CDH10: variants seen among roughly 807,000 people sequenced by gnomAD.
CDH10 encodes cadherin 10, also known as cadherin-10.
A neutral mutation model predicts 73.1 loss-of-function variants in CDH10; 30 were observed. The ratio of observed to expected loss-of-function variants is 0.41; its 90% CI spans 0.31 to 0.56. The LOEUF (loss-of-function observed/expected upper bound fraction) is 0.56. Ranked by LOEUF, CDH10 falls within the 20% of genes least tolerant of loss-of-function variation. The pLI is 0.27. For missense variants in CDH10, 815 were observed against 973.7 expected (o/e 0.84, Z 2.17); for synonymous variants, 345 against 348.2 (o/e 0.99, Z 0.10).
chr5:24,554,079 GA>G (rs1744662396), intron 2 of CDH10: 1 of 127,586 alleles, frequency 7.8e-6, no homozygotes, highest in Non-Finnish European at 1.6e-5. Flanking sequence ...AGAGAGAGAG[GA>G]GAGACAGAGA....
intron 5 of CDH10, among the ~76,000 whole-genome samples, chr5:24,522,716 A>C (rs560019584): frequency 6.6e-6 from 1 of 152,278 alleles, no homozygotes; most frequent in South Asian, 2.1e-4. Context: ...CTTGGAAAAC[A>C]TAACCCTGCT....
At position 24,488,005 on chromosome 5, in the gene CDH10, C is replaced by A. The variant is rs752893007; in HGVS notation, c.2025G>T (p.Leu675=). 1.2e-6 allele frequency: 2 copies of A among 1,613,922 alleles called. No individual in the cohort carries two copies. The highest frequency in any genetic ancestry group is 1.7e-4 in the Middle Eastern group (1 of 6,060). The change falls in exon 12 of 12, where the codon CTG becomes CTT. Residue 675 remains leucine (L), a synonymous_variant. Coordinates refer to ENST00000264463, the MANE Select transcript of CDH10 (RefSeq NM_006727.5). The stretch of plus-strand genomic sequence containing the variant: ...TTTCCTCAATGGCTGCAGGATTCCT[C>A]AGGGTGCCGATATCAAAGGCCTGGG... The part of the protein sequence containing the change: ...EDTQAFDIGT[L]RNPAAIEEKK...
intron 5 of CDH10, among the ~76,000 whole-genome samples, chr5:24,516,896 A>T (rs1052769835): frequency 5.3e-5 from 8 of 151,830 alleles, no homozygotes; most frequent in Non-Finnish European, 1.0e-4. Flanking sequence ...ATTAAAAATT[A>T]AAAAAATACA....
chr5:24,579,888 A>G (rs1270510298), intron 2 of CDH10, among the ~76,000 whole-genome samples: 1 of 152,102 alleles, frequency 6.6e-6, no homozygotes, highest in Non-Finnish European at 1.5e-5. Flanking sequence ...ACCATACAGA[A>G]GGTAATTACT....
intron 2 of CDH10, among the ~76,000 whole-genome samples, chr5:24,565,999 G>A (rs78403355): frequency 0.014 from 2,199 of 152,254 alleles, 58 homozygotes; most frequent in African/African-American, 0.05. Flanking sequence ...GTACTAGTCT[G>A]TCCAACTTGG....
chr5:24,575,356 A>AAC (rs1156379570), intron 2 of CDH10, among the ~76,000 whole-genome samples: 1,449 of 49,172 alleles, frequency 0.029, 30 homozygotes, highest in African/African-American at 0.14. Context: ...CAAAAACAAC[A>AAC]AAAAAAAAAA....
intron 11 of CDH10, among the ~76,000 whole-genome samples, chr5:24,488,997 A>C (rs1441584763): frequency 1.3e-5 from 2 of 152,110 alleles, no homozygotes; most frequent in African/African-American, 4.8e-5. Context: ...AAATGATAAG[A>C]GAAAGTTAAT....
At chr5:24,587,564 C>T (rs1214340762) in intron 2 of CDH10, among the ~76,000 whole-genome samples, 1 of 151,938 alleles carries the variant, frequency 6.6e-6, no homozygotes, top group East Asian at 1.9e-4. Flanking sequence ...ATTGAGATAC[C>T]TTCTGCAGAG....
Position 24,520,384 on chromosome 5 carries a change from T to C in CDH10, c.815-8870A>G, listed in dbSNP as rs562045612. Reference sequence around the variant, plus strand: ...AAAAAGCAAGTTTCAGAAAATGATGTACAGTGTGATACTATCTTTATAAAC... The same window carrying C: ...AAAAAGCAAGTTTCAGAAAATGATGCACAGTGTGATACTATCTTTATAAAC... On this transcript the variant is annotated intron_variant, in intron 5 of 11. Coordinates refer to ENST00000264463, the MANE Select transcript of CDH10 (RefSeq NM_006727.5). Among the ~76,000 whole-genome samples the C allele has an allele frequency of 1.3e-4, 20 of 152,312 alleles. No individual in the cohort carries two copies. In the South Asian group the frequency reaches 4.1e-3, roughly 32 times the overall value.
Position 24,589,186 on chromosome 5 carries a change from G to A in CDH10, c.231+4074C>T, listed in dbSNP as rs1746120822. 2.6e-5 allele frequency among the ~76,000 whole-genome samples: 4 copies of A among 152,134 alleles called. 1 individual carries two copies. In the South Asian group the frequency reaches 8.3e-4, roughly 31 times the overall value. ...AAGGAATAAACACTTCATGCATAGT[G>A]GGTGTTTGGAGCCGACAAGTCTATA... On this transcript the variant is annotated intron_variant, in intron 2 of 11. Coordinates refer to ENST00000264463, the MANE Select transcript of CDH10 (RefSeq NM_006727.5).
At chr5:24,614,367 A>G (rs552378501) in intron 1 of CDH10, among the ~76,000 whole-genome samples, 1 of 152,322 alleles carries the variant, frequency 6.6e-6, no homozygotes, top group South Asian at 2.1e-4. Flanking sequence ...ATAGAAACAT[A>G]TCTCCAGAGC....
At chr5:24,502,112 A>T (rs921380693) in intron 8 of CDH10, among the ~76,000 whole-genome samples, 12 of 151,814 alleles carry the variant, frequency 7.9e-5, no homozygotes, top group South Asian at 6.2e-4. Flanking sequence ...TTAGTAGAGA[A>T]GGGGTTTCAC....
chr5:24,495,482 CAT>C (rs933969734), intron 9 of CDH10, among the ~76,000 whole-genome samples: 2 of 152,092 alleles, frequency 1.3e-5, no homozygotes, highest in African/African-American at 4.8e-5. Flanking sequence ...GTTAAGTTTT[CAT>C]ATGTTTTAGC....
intron 1 of CDH10, among the ~76,000 whole-genome samples, chr5:24,629,059 A>C (rs534381423): frequency 4.6e-5 from 7 of 152,248 alleles, no homozygotes; most frequent in African/African-American, 1.4e-4. Context: ...CATCTCATTG[A>C]GGCAAAGTTC....
At chr5:24,566,485 T>C (rs1041258527) in intron 2 of CDH10, among the ~76,000 whole-genome samples, 3 of 152,206 alleles carry the variant, frequency 2.0e-5, no homozygotes, top group Non-Finnish European at 4.4e-5. Flanking sequence ...ATTAAGATAA[T>C]GTGTTATTGG....
In CDH10 at chr5:24,595,533, A is replaced by G. The variant is rs10473703; in HGVS notation, c.-123-1920T>C. 8.4e-3 allele frequency among the ~76,000 whole-genome samples: 1,284 copies of G among 152,066 alleles called. 21 individuals carry two copies. The highest frequency in any genetic ancestry group is 0.029 in the African/African-American group (1,211 of 41,516). On this transcript the variant is annotated intron_variant, in intron 1 of 11. Transcript: ENST00000264463. ...TATCTGATGCATAAAATGGTCTTAC[A>G]TCACAAAGCACTGGAACTCAAATTG...
intron 5 of CDH10, among the ~76,000 whole-genome samples, chr5:24,521,751 G>C (rs998821813): frequency 5.9e-5 from 9 of 152,130 alleles, no homozygotes; most frequent in African/African-American, 2.2e-4. Flanking sequence ...TTGAAGTTAA[G>C]AAAATAATGG....
intron 1 of CDH10, among the ~76,000 whole-genome samples, chr5:24,614,094 G>C (rs2112151597): frequency 6.6e-6 from 1 of 152,202 alleles, no homozygotes; most frequent in East Asian, 1.9e-4. Flanking sequence ...TGTTGATAAA[G>C]GTGCTTCCTG....
At chr5:24,586,840 A>ATTTTTTTTTTTTTTTTTTTTTTTT (rs1746023448) in intron 2 of CDH10, among the ~76,000 whole-genome samples, 1 of 100,608 alleles carries the variant, frequency 9.9e-6, no homozygotes, top group Non-Finnish European at 1.9e-5. Context: ...GATAGCCCAT[A>ATTTTTTTTTTTTTTTTTTTTTTTT]TTCTTTTTTT....
Sources: allele counts gnomAD v4.1 joint callset (sites outside exome capture counted in the v4.1 genomes callset), GRCh38; gene constraint gnomAD v4.1.1; transcripts MANE v1.5; gene names NCBI Gene and HGNC (gene_info 2026-07-23, HGNC 2026-07-21).